Variants in NDUFAF5 observed in about 807,000 individuals in gnomAD.
NDUFAF5 encodes NADH:ubiquinone oxidoreductase complex assembly factor 5, also known as arginine-hydroxylase NDUFAF5, mitochondrial.
In NDUFAF5, 34 loss-of-function variants were observed where a neutral mutation model predicts 48.9. The ratio of observed to expected loss-of-function variants is 0.70; its 90% CI spans 0.53 to 0.93. The LOEUF is 0.93. NDUFAF5 is among the 40% of genes least tolerant of loss of function. NDUFAF5 has a pLI of 0.00. For missense variants in NDUFAF5, 428 were observed against 427.5 expected (o/e 1.00, Z -0.01); for synonymous variants, 153 against 150.6 (o/e 1.02, Z -0.12).
Position 13,820,534 on chromosome 20 carries a change from T to TAA in NDUFAF5, c.*3333_*3334dup. 6.8e-6 allele frequency: 1 copy of TAA among 147,226 alleles called. No individual in the cohort carries two copies. Among genetic ancestry groups the TAA allele is most frequent in the Non-Finnish European group, 1.5e-5 (1 of 66,512 alleles). 9.1% of individuals were successfully genotyped at this position (147,226 alleles called of 1,614,324 possible). On this transcript the variant is annotated 3_prime_UTR_variant, in exon 11 of 11. Transcript: ENST00000378106. ...CGTGATGAAACCCTGTCTCTACAAATAAAAAAAAAATTAGCCAGGCATGGT... is the reference window on the plus strand; with the variant it reads ...CGTGATGAAACCCTGTCTCTACAAATAAAAAAAAAAAATTAGCCAGGCATGGT...
At chr20:13,814,870 C>T (rs1024262170) in intron 8 of NDUFAF5, among the ~76,000 whole-genome samples, 4 of 152,100 alleles carry the variant, frequency 2.6e-5, no homozygotes, top group African/African-American at 9.7e-5. Context: ...TTCTTTCCAC[C>T]ACCCTCACAC....
intron 8 of NDUFAF5, 136 bp downstream of exon 8, chr20:13,809,038 T>C: frequency 7.3e-6 from 5 of 680,358 alleles, no homozygotes; most frequent in Non-Finnish European, 8.0e-6. Context: ...TAGGGATCCA[T>C]TGTTGAGGAG....
intron 6 of NDUFAF5, among the ~76,000 whole-genome samples, chr20:13,800,281 C>T (rs1420527615): frequency 6.6e-6 from 1 of 152,094 alleles, no homozygotes; most frequent in Non-Finnish European, 1.5e-5. Flanking sequence ...GAGGAGGAAG[C>T]AACACTAAAG....
rs540882370 is a variant in NDUFAF5, at chr20:13,787,336, G to C, written c.247G>C (p.Val83Leu). The C allele has an allele frequency of 8.1e-5, 131 of 1,614,090 alleles. No individual in the cohort carries two copies. In the South Asian group the frequency reaches 1.4e-3, roughly 17 times the overall value. Residue 83 changes from valine to leucine, a missense_variant, in exon 2 of 11, where the codon GTA (valine) becomes CTA (leucine). Transcript: ENST00000378106. ...EEVGSRIADR[V>L]YDIPRNFPLA... ...GGTTGGAAGTCGGATCGCAGACCGT[G>C]TATATGACATACCCAGGTAAGTGGT...
At chr20:13,786,783 AG>A (rs1353439005) in intron 1 of NDUFAF5, among the ~76,000 whole-genome samples, 3 of 152,214 alleles carry the variant, frequency 2.0e-5, no homozygotes, top group Non-Finnish European at 4.4e-5. Flanking sequence ...GGATTGGAGC[AG>A]GGGAGGTGCA....
chr20:13,796,290 A>G (rs890545974), intron 5 of NDUFAF5, among the ~76,000 whole-genome samples: 26 of 152,152 alleles, frequency 1.7e-4, no homozygotes, highest in African/African-American at 6.3e-4. Context: ...AAAGTTAGAA[A>G]ACTACTCACA....
Position 13,819,712 on chromosome 20 carries a change from G to A in NDUFAF5, c.*2502G>A, listed in dbSNP as rs1301984747. 6.6e-6 allele frequency: 1 copy of A among 152,190 alleles called. No individual in the cohort carries two copies. Among genetic ancestry groups the A allele is most frequent in the Non-Finnish European group, 1.5e-5 (1 of 68,050 alleles). 9.4% of individuals were successfully genotyped at this position (152,190 alleles called of 1,614,324 possible). A position where few individuals can be genotyped will look rare whatever the true frequency, so the allele number is the denominator to read the frequency against. ...CCCACAGATAATATCATAAACTCAA[G>A]TTGTCTGTATTGCTTCTTCCCAGAC... On this transcript the variant is annotated 3_prime_UTR_variant, in exon 11 of 11. Transcript: ENST00000378106.
At chr20:13,796,411 CTA>C (rs1983223022) in intron 5 of NDUFAF5, among the ~76,000 whole-genome samples, 1 of 152,134 alleles carries the variant, frequency 6.6e-6, no homozygotes, top group African/African-American at 2.4e-5. Context: ...TTGCAGGTGA[CTA>C]ATTCTGTTGC....
Position 13,785,169 on chromosome 20 carries a change from C to T in NDUFAF5, c.101C>T (p.Ser34Phe). 1 of 1,613,930 alleles carries T rather than the reference C, an allele frequency of 6.2e-7. No individual in the cohort carries two copies. ...LGRREVTSGVSPRGSTSPRTL... is the reference protein window; with the variant it reads ...LGRREVTSGVFPRGSTSPRTL... ...CGTAGGGAAGTCACCTCTGGTGTCT[C>T]TCCCCGCGGTAGCACCTCGCCCAGA... Residue 34 changes from serine (S) to phenylalanine (F), a missense_variant, in exon 1 of 11, where the codon TCT becomes TTT. Physicochemically the swap from Ser to Phe is radical, Grantham distance 155. Transcript: ENST00000378106.
chr20:13,788,710 A>G, intron 3 of NDUFAF5, 58 bp downstream of exon 3: 1 of 1,119,892 alleles, frequency 8.9e-7, no homozygotes, highest in Non-Finnish European at 1.4e-6. Flanking sequence ...AATTTTAAAG[A>G]AAGACTTTCC....
chr20:13,817,660 A>T lies in NDUFAF5; in HGVS notation c.*450A>T. 2.2e-6 allele frequency: 1 copy of T among 453,994 alleles called. No homozygotes were observed. The highest frequency in any genetic ancestry group is 1.6e-5 in the South Asian group (1 of 64,458). The allele number at this position is 453,994 out of a possible 1,614,324, so 28.1% of individuals were successfully genotyped here. ...AATCCCTCCTCAACTCTTTTTTTTT[A>T]AAGCATCTGAATTTAACCTTATTTC... On this transcript the variant is annotated 3_prime_UTR_variant, in exon 11 of 11. Coordinates refer to ENST00000378106, the MANE Select transcript of NDUFAF5 (RefSeq NM_024120.5).
intron 7 of NDUFAF5, among the ~76,000 whole-genome samples, chr20:13,807,491 CT>C (rs1399295187): frequency 2.0e-5 from 3 of 151,580 alleles, no homozygotes; most frequent in East Asian, 1.9e-4. Flanking sequence ...TACATGCACT[CT>C]TTTGCTTTTT....
In NDUFAF5 at chr20:13,821,489, C is replaced by T. The variant is rs540505747; in HGVS notation, c.*4279C>T. ...TCCCAGCCAATGCATTGACCACAAC[C>T]TCATGAGAGACCCTGAGCTAGAACC... On this transcript the variant is annotated 3_prime_UTR_variant, in exon 11 of 11. Transcript: ENST00000378106. 2 of 152,354 alleles carry T rather than the reference C, an allele frequency of 1.3e-5. No individual in the cohort carries two copies. The highest frequency in any genetic ancestry group is 4.1e-4 in the South Asian group (2 of 4,830). 9.4% of individuals were successfully genotyped at this position (152,354 alleles called of 1,614,324 possible).
chr20:13,814,980 C>G (rs536670161), intron 8 of NDUFAF5, among the ~76,000 whole-genome samples: 3 of 152,236 alleles, frequency 2.0e-5, no homozygotes, highest in African/African-American at 7.2e-5. Context: ...CAGTAGTGCT[C>G]TTGAATTTCT....
At position 13,814,165 on chromosome 20, in the gene NDUFAF5, G is replaced by A. The variant is rs1429456382; in HGVS notation, c.779-2298G>A. On this transcript the variant is annotated intron_variant, in intron 8 of 10. Transcript: ENST00000378106. ...GTAGAGCCAGGATTTAAACCTAGTC[G>A]AACAGCCTGATTTGTATGCTGAAAT... is the stretch of plus-strand genomic sequence containing the variant. 7 of 306,040 alleles carry A rather than the reference G, an allele frequency of 2.3e-5. No homozygotes were observed. The East Asian group carries it at 3.4e-4, about 15-fold the overall frequency. 19.0% of individuals were successfully genotyped at this position (306,040 alleles called of 1,614,324 possible).
At chr20:13,795,558 C>G (rs1412742189) in intron 5 of NDUFAF5, among the ~76,000 whole-genome samples, 1 of 152,184 alleles carries the variant, frequency 6.6e-6, no homozygotes, top group Non-Finnish European at 1.5e-5. Context: ...GTGGCTCTCA[C>G]CAGCAATCCC....
At chr20:13,815,176 G>A (rs1033605250) in intron 8 of NDUFAF5, among the ~76,000 whole-genome samples, 2 of 152,166 alleles carry the variant, frequency 1.3e-5, no homozygotes, top group Non-Finnish European at 1.5e-5. Context: ...CCATAGCAGC[G>A]AGAAGTTGAG....
chr20:13,797,189 C>G (rs564712247), intron 5 of NDUFAF5, among the ~76,000 whole-genome samples: 52 of 152,162 alleles, frequency 3.4e-4, no homozygotes, highest in Non-Finnish European at 6.6e-4. Context: ...TTGGTTGTTT[C>G]CTACAAAACT....
intron 8 of NDUFAF5, among the ~76,000 whole-genome samples, chr20:13,809,298 T>C (rs532674424): frequency 6.6e-6 from 1 of 151,896 alleles, no homozygotes; most frequent in Admixed American, 6.6e-5. Flanking sequence ...GGTAGTTGAG[T>C]TGGTTTAGAA....
Sources: allele counts gnomAD v4.1 joint callset (sites outside exome capture counted in the v4.1 genomes callset), GRCh38; gene constraint gnomAD v4.1.1; transcripts MANE v1.5; gene names NCBI Gene and HGNC (gene_info 2026-07-23, HGNC 2026-07-21).